CWC27: variants seen among roughly 807,000 people sequenced by gnomAD.
CWC27 encodes the protein spliceosome-associated protein CWC27 homolog.
In CWC27, 47 loss-of-function variants were observed where a neutral mutation model predicts 63.6. That is an observed-to-expected ratio of 0.74 (90% CI 0.58 to 0.94). CWC27 has a LOEUF of 0.94. Among genes scored for constraint, CWC27 ranks in the 40% least tolerant of loss-of-function variants. The probability of loss-of-function intolerance (pLI) is 0.00; values close to 1 mark genes in which losing one functional copy is unlikely to be tolerated. For missense variants in CWC27, 495 were observed against 554.3 expected (o/e 0.89, Z 1.07); for synonymous variants, 175 against 179.8 (o/e 0.97, Z 0.22).
intron 11 of CWC27, among the ~76,000 whole-genome samples, chr5:64,941,636 T>C (rs1748482106): frequency 6.6e-6 from 1 of 152,158 alleles, no homozygotes. Flanking sequence ...TCCATTCCTT[T>C]TTATTTTCTG....
intron 10 of CWC27, chr5:64,807,965 C>T: frequency 7.0e-7 from 1 of 1,419,458 alleles, no homozygotes; most frequent in Non-Finnish European, 9.1e-7. Context: ...AAACTACTTC[C>T]ACTAAGGCCA....
At chr5:64,868,847 G>A (rs1341034266) in intron 10 of CWC27, among the ~76,000 whole-genome samples, 1 of 151,880 alleles carries the variant, frequency 6.6e-6, no homozygotes, top group Non-Finnish European at 1.5e-5. Context: ...CTGAAGCGTT[G>A]CCTCATTGCC....
chr5:64,857,564 TA>T (rs375719345), intron 10 of CWC27, among the ~76,000 whole-genome samples: 114 of 152,302 alleles, frequency 7.5e-4, no homozygotes, highest in African/African-American at 2.7e-3. Flanking sequence ...AAGGTAGCCT[TA>T]TTAAACTACA....
At position 64,885,639 on chromosome 5, in the gene CWC27, C is replaced by A. The variant is rs7709086; in HGVS notation, c.1042+93C>A. 1.4e-3 allele frequency: 1,200 copies of A among 882,838 alleles called. 9 individuals carry two copies. The African/African-American group carries it at 0.018, about 13-fold the overall frequency. 54.7% of individuals were successfully genotyped at this position (882,838 alleles called of 1,614,324 possible). A position where few individuals can be genotyped will look rare whatever the true frequency, so the allele number is the denominator to read the frequency against. On this transcript the variant is annotated intron_variant, in intron 11 of 13. Coordinates refer to ENST00000381070, the MANE Select transcript of CWC27 (RefSeq NM_005869.4). ...CTGCCCGCTCCCGTATTCATCCCTTCCCTTCTCCTTTCCTTCTCATTTTTT... is the reference window on the plus strand; with the variant it reads ...CTGCCCGCTCCCGTATTCATCCCTTACCTTCTCCTTTCCTTCTCATTTTTT...
At chr5:64,809,999 C>CT (rs374141358) in intron 10 of CWC27, among the ~76,000 whole-genome samples, 18 of 149,102 alleles carry the variant, frequency 1.2e-4, no homozygotes, top group Non-Finnish European at 1.3e-4. Flanking sequence ...ATTCCCGCCT[C>CT]TTTTTTTTTT....
intron 12 of CWC27, 42 bp from the exon 13 acceptor site, chr5:64,977,093 T>A (rs750751866): frequency 4.3e-6 from 5 of 1,171,542 alleles, no homozygotes; most frequent in Non-Finnish European, 4.8e-6. Context: ...AAAATTATAT[T>A]TATCTTTATC....
intron 10 of CWC27, among the ~76,000 whole-genome samples, chr5:64,811,567 G>A (rs1207623820): frequency 1.3e-5 from 2 of 151,718 alleles, no homozygotes; most frequent in Non-Finnish European, 2.9e-5. Context: ...TAATCTTTAC[G>A]GTTAACTAGA....
chr5:64,789,455 TATC>T (rs1418910913), intron 7 of CWC27, among the ~76,000 whole-genome samples: 2 of 152,154 alleles, frequency 1.3e-5, no homozygotes. Flanking sequence ...GTGATATTAT[TATC>T]ATCCTCATTT....
intron 10 of CWC27, among the ~76,000 whole-genome samples, chr5:64,814,024 C>G (rs1744959194): frequency 6.6e-6 from 1 of 151,964 alleles, no homozygotes; most frequent in Non-Finnish European, 1.5e-5. Context: ...TGAATGCAGC[C>G]CATCCTGGGC....
At chr5:64,902,429 A>G (rs898350514) in intron 11 of CWC27, among the ~76,000 whole-genome samples, 1 of 152,222 alleles carries the variant, frequency 6.6e-6, no homozygotes, top group African/African-American at 2.4e-5. Flanking sequence ...CGAAGTACAC[A>G]TATTTCCATA....
intron 10 of CWC27, among the ~76,000 whole-genome samples, chr5:64,854,842 G>C (rs6449762): frequency 0.4 from 60,660 of 151,880 alleles, 13,346 homozygotes; most frequent in African/African-American, 0.58. Flanking sequence ...TTGATTCTAG[G>C]AATTTTTTTT....
intron 10 of CWC27, among the ~76,000 whole-genome samples, chr5:64,822,412 T>A (rs548715525): frequency 6.6e-6 from 1 of 152,208 alleles, no homozygotes; most frequent in Non-Finnish European, 1.5e-5. Flanking sequence ...TAATTTTGAA[T>A]TTATGGATTA....
chr5:64,943,658 C>T (rs139320723), intron 11 of CWC27, among the ~76,000 whole-genome samples: 11 of 152,230 alleles, frequency 7.2e-5, no homozygotes, highest in Non-Finnish European at 1.5e-4. Context: ...GCCCCATGAA[C>T]CTTACATTCT....
chr5:64,887,366 T>C (rs577900037), intron 11 of CWC27, among the ~76,000 whole-genome samples: 1 of 152,242 alleles, frequency 6.6e-6, no homozygotes, highest in South Asian at 2.1e-4. Context: ...TTTATTTATT[T>C]ATTTATTTAC....
chr5:64,834,957 T>A (rs1217605202), intron 10 of CWC27, among the ~76,000 whole-genome samples: 3 of 151,764 alleles, frequency 2.0e-5, no homozygotes, highest in Non-Finnish European at 4.4e-5. Flanking sequence ...TGAAGGTTTC[T>A]GGAGATTGCA....
At chr5:64,948,664 CAG>C (rs975248497) in intron 11 of CWC27, among the ~76,000 whole-genome samples, 30 of 152,056 alleles carry the variant, frequency 2.0e-4, no homozygotes, top group African/African-American at 7.0e-4. Flanking sequence ...AATAGTCAAA[CAG>C]TGTTAATAAT....
intron 9 of CWC27, 87 bp downstream of exon 9, chr5:64,801,419 AG>A: frequency 9.4e-7 from 1 of 1,063,406 alleles, no homozygotes; most frequent in Non-Finnish European, 1.3e-6. Context: ...GTTCTTAAAA[AG>A]TAACGTATAT....
rs781627290 is a variant in CWC27, at chr5:64,785,465, A to AT, written c.397-11dup. The AT allele has an allele frequency of 5.7e-6, 7 of 1,224,932 alleles. No individual in the cohort carries two copies. Among genetic ancestry groups the AT allele is most frequent in the Non-Finnish European group, 6.4e-6 (6 of 932,282 alleles). The allele number at this position is 1,224,932 out of a possible 1,614,324, so 75.9% of individuals were successfully genotyped here. On this transcript the variant is annotated splice_polypyrimidine_tract_variant and intron_variant, in intron 4 of 13. Coordinates refer to ENST00000381070, the MANE Select transcript of CWC27 (RefSeq NM_005869.4). ...GTGCAATAATTTTCAATTACATTAT[A>AT]TTTTTAATTTGATAGGTTACAGGGG... is the stretch of plus-strand genomic sequence containing the variant.
At chr5:64,938,295 G>T (rs1748401610) in intron 11 of CWC27, among the ~76,000 whole-genome samples, 1 of 152,106 alleles carries the variant, frequency 6.6e-6, no homozygotes, top group African/African-American at 2.4e-5. Context: ...TGTAAGGCAG[G>T]CCTGTTGGTG....
Sources: allele counts gnomAD v4.1 joint callset (sites outside exome capture counted in the v4.1 genomes callset), GRCh38; gene constraint gnomAD v4.1.1; transcripts MANE v1.5; gene names NCBI Gene and HGNC (gene_info 2026-07-23, HGNC 2026-07-21).